CHKA: variants seen among roughly 807,000 people sequenced by gnomAD.
CHKA encodes the protein choline kinase alpha.
Under a neutral mutation model 60.1 loss-of-function variants are expected in CHKA, and 34 were observed. The observed-to-expected ratio is 0.57, with a 90% CI of 0.43 to 0.75. CHKA has a LOEUF of 0.75. Among genes scored for constraint, CHKA ranks in the 30% least tolerant of loss-of-function variants. The probability of loss-of-function intolerance (pLI) is 0.00; values close to 1 mark genes in which losing one functional copy is unlikely to be tolerated. For synonymous variants in CHKA, 217 were observed against 223.1 expected, an observed-to-expected ratio of 0.97 and a Z score of 0.24; for missense variants, 563 against 561.3, an observed-to-expected ratio of 1.00 and a Z score of -0.03.
At chr11:68,114,634 T>C (rs1257574970) in intron 1 of CHKA, among the ~76,000 whole-genome samples, 2 of 150,450 alleles carry the variant, frequency 1.3e-5, no homozygotes, top group East Asian at 3.9e-4. Flanking sequence ...AAGGCGGAGG[T>C]TGCAGTGAGC....
At chr11:68,056,303 ATCTC>A (rs1273270021) in intron 11 of CHKA, among the ~76,000 whole-genome samples, 3 of 151,996 alleles carry the variant, frequency 2.0e-5, no homozygotes, top group African/African-American at 4.8e-5. Flanking sequence ...AGTAAACAGA[ATCTC>A]TCTCTCTGAC....
intron 1 of CHKA, among the ~76,000 whole-genome samples, chr11:68,102,709 T>C (rs147988501): frequency 5.9e-5 from 9 of 152,198 alleles, no homozygotes; most frequent in South Asian, 2.1e-4. Context: ...AATAGGATTA[T>C]AGCAGACTAA....
intron 2 of CHKA, among the ~76,000 whole-genome samples, chr11:68,096,492 A>G (rs192130995): frequency 3.6e-4 from 55 of 152,322 alleles, no homozygotes; most frequent in African/African-American, 1.3e-3. Context: ...TAGGTACTTT[A>G]AGAATTAGAT....
In CHKA at chr11:68,097,890, A is replaced by G. The variant is rs78632923; in HGVS notation, c.351-760T>C. Among the ~76,000 whole-genome samples the G allele has an allele frequency of 4.9e-3, 744 of 152,302 alleles. 5 individuals are homozygous for G. Among genetic ancestry groups the G allele is most frequent in the African/African-American group, 0.017 (703 of 41,562 alleles). ...TAAGCAAGGAATCAAACCCAGGCAT[A>G]TGGCTCGAGTCCCTGCTTGTAACTA... On this transcript the variant is annotated intron_variant, in intron 1 of 11. Transcript: ENST00000265689.
At chr11:68,065,939 T>C (rs1218985904) in intron 8 of CHKA, 45 bp from the exon 9 acceptor site, 3 of 1,364,426 alleles carry the variant, frequency 2.2e-6, no homozygotes, top group South Asian at 1.2e-5. Context: ...GCAAACCGTA[T>C]GCCTGGAGGC....
chr11:68,092,839 C>T (rs1857390998), intron 2 of CHKA, among the ~76,000 whole-genome samples: 1 of 152,050 alleles, frequency 6.6e-6, no homozygotes, highest in African/African-American at 2.4e-5. Flanking sequence ...ACTAAGGACT[C>T]GACCAACTGA....
At chr11:68,114,565 C>A (rs1858310081) in intron 1 of CHKA, among the ~76,000 whole-genome samples, 1 of 151,950 alleles carries the variant, frequency 6.6e-6, no homozygotes, top group African/African-American at 2.4e-5. Context: ...GGCGGGGTGG[C>A]ACATGCCTGT....
intron 1 of CHKA, among the ~76,000 whole-genome samples, chr11:68,097,700 A>G (rs1266242570): frequency 6.6e-6 from 1 of 151,354 alleles, no homozygotes; most frequent in African/African-American, 2.4e-5. Context: ...TTTCCATTTG[A>G]TATGTATTAA....
intron 6 of CHKA, 67 bp from the exon 7 acceptor site, chr11:68,069,004 C>A: frequency 8.0e-7 from 1 of 1,248,296 alleles, no homozygotes; most frequent in Non-Finnish European, 1.2e-6. Flanking sequence ...CTTGCTTTCT[C>A]CACATGGCCA....
chr11:68,120,496 T>C (rs1287347467), intron 1 of CHKA, among the ~76,000 whole-genome samples: 1 of 152,258 alleles, frequency 6.6e-6, no homozygotes, highest in Non-Finnish European at 1.5e-5. Flanking sequence ...AGAGACTTTC[T>C]AGACCTATCT....
chr11:68,074,093 T>C (rs1246644806), intron 4 of CHKA, among the ~76,000 whole-genome samples: 1 of 152,180 alleles, frequency 6.6e-6, no homozygotes, highest in Non-Finnish European at 1.5e-5. Flanking sequence ...ACCTATGCTT[T>C]AGATATGTAC....
chr11:68,053,452 A>G lies in CHKA; in HGVS notation c.*536T>C, dbSNP rs573923965. On this transcript the variant is annotated 3_prime_UTR_variant, in exon 12 of 12. Coordinates refer to ENST00000265689, the MANE Select transcript of CHKA (RefSeq NM_001277.3). Reference sequence around the variant, plus strand: ...TTCAGCCATGGGACCAAGAGGGTAAAGGAGCAGCTTCTGGAGGCCCCAGGC... The same window carrying G: ...TTCAGCCATGGGACCAAGAGGGTAAGGGAGCAGCTTCTGGAGGCCCCAGGC... 6.5e-6 allele frequency: 1 copy of G among 153,492 alleles called. No homozygotes were observed. Among genetic ancestry groups the G allele is most frequent in the South Asian group, 2.0e-4 (1 of 4,930 alleles). The allele number at this position is 153,492 out of a possible 1,614,324, so 9.5% of individuals were successfully genotyped here.
chr11:68,066,344 C>T (rs1244299398), intron 8 of CHKA, 85 bp downstream of exon 8: 3 of 1,199,018 alleles, frequency 2.5e-6, no homozygotes, highest in Non-Finnish European at 3.7e-6. Flanking sequence ...GGCATTTTGA[C>T]TTATTTTCTC....
chr11:68,065,643 G>A, intron 9 of CHKA, 143 bp downstream of exon 9: 1 of 600,178 alleles, frequency 1.7e-6, no homozygotes, highest in South Asian at 1.9e-5. Flanking sequence ...CAAGGGTACA[G>A]TGAGCCATGA....
Position 68,100,378 on chromosome 11 carries a change from T to C in CHKA, c.351-3248A>G, listed in dbSNP as rs952515277. Among the ~76,000 whole-genome samples, 11 of 152,096 alleles carry C rather than the reference T, an allele frequency of 7.2e-5. 1 individual carries two copies. The South Asian group carries it at 2.3e-3, about 32-fold the overall frequency. ...GCTGAGGCGGGCAGATCACTTGAGG[T>C]CAGGAGTTCAAGACCAGCCTGGCCA... On this transcript the variant is annotated intron_variant, in intron 1 of 11. Transcript: ENST00000265689.
chr11:68,070,351 G>A lies in CHKA; in HGVS notation c.765-58C>T, dbSNP rs1020782962. The A allele has an allele frequency of 1.6e-5, 20 of 1,254,080 alleles. No individual in the cohort carries two copies. In the South Asian group the frequency reaches 2.3e-4, roughly 14 times the overall value. The allele number at this position is 1,254,080 out of a possible 1,614,324, so 77.7% of individuals were successfully genotyped here. A position where few individuals can be genotyped will look rare whatever the true frequency, so the allele number is the denominator to read the frequency against. ...AAGAATCACCGATCAATTCACCAAG[G>A]CTTGCTGTTCTTGGGGCTTTGGTTA... On this transcript the variant is annotated intron_variant, in intron 5 of 11. Transcript: ENST00000265689.
intron 3 of CHKA, 92 bp downstream of exon 3, chr11:68,081,312 T>C: frequency 2.1e-6 from 2 of 969,974 alleles, no homozygotes; most frequent in Non-Finnish European, 1.6e-6. Context: ...TTTCCAAGGG[T>C]AGATAAGAGG....
chr11:68,108,017 G>A (rs1273537688), intron 1 of CHKA, among the ~76,000 whole-genome samples: 1 of 152,228 alleles, frequency 6.6e-6, no homozygotes, highest in Non-Finnish European at 1.5e-5. Flanking sequence ...GCCACTGACA[G>A]AGAATGGAGA....
intron 1 of CHKA, among the ~76,000 whole-genome samples, chr11:68,097,658 T>G: frequency 6.9e-6 from 1 of 144,104 alleles, no homozygotes; most frequent in African/African-American, 2.6e-5. Flanking sequence ...AAAAAAATCT[T>G]GAGGCAATAT....
Sources: allele counts gnomAD v4.1 joint callset (sites outside exome capture counted in the v4.1 genomes callset), GRCh38; gene constraint gnomAD v4.1.1; transcripts MANE v1.5; gene names NCBI Gene and HGNC (gene_info 2026-07-23, HGNC 2026-07-21).